KDM5A: variants seen among roughly 807,000 people sequenced by gnomAD.
KDM5A encodes lysine-specific demethylase 5A.
In KDM5A, 42 loss-of-function variants were observed where a neutral mutation model predicts 193.5. The ratio of observed to expected loss-of-function variants is 0.22; its 90% CI spans 0.17 to 0.28. The LOEUF (loss-of-function observed/expected upper bound fraction) is 0.28. KDM5A is among the 10% of genes least tolerant of loss of function. The probability of loss-of-function intolerance (pLI) is 1.00; values close to 1 mark genes in which losing one functional copy is unlikely to be tolerated. For synonymous variants in KDM5A, 796 were observed against 718.1 expected (o/e 1.11, Z -1.73); for missense variants, 1,692 against 2,055.1 (o/e 0.82, Z 3.42).
chr12:309,136 A>G (rs927231236), intron 22 of KDM5A, among the ~76,000 whole-genome samples: 1 of 152,248 alleles, frequency 6.6e-6, no homozygotes, highest in African/African-American at 2.4e-5. Flanking sequence ...AGTAACAGGC[A>G]AAATGCTCAA....
chr12:333,311 C>T (rs1943886054), intron 12 of KDM5A, 176 bp downstream of exon 12: 2 of 679,834 alleles, frequency 2.9e-6, no homozygotes, highest in African/African-American at 1.8e-5. Flanking sequence ...CCCAGCTACT[C>T]ATTAGGCTGA....
At chr12:303,618 C>T (rs1368956859) in intron 24 of KDM5A, among the ~76,000 whole-genome samples, 2 of 151,686 alleles carry the variant, frequency 1.3e-5, no homozygotes, top group South Asian at 2.1e-4. Context: ...CAAACCTGTA[C>T]GTTCTGCACA....
At chr12:299,905 T>C (rs930135700) in intron 24 of KDM5A, among the ~76,000 whole-genome samples, 6 of 142,060 alleles carry the variant, frequency 4.2e-5, no homozygotes, top group South Asian at 2.3e-4. Flanking sequence ...CAGTCTCTGA[T>C]AAAACAGATT....
chr12:356,622 CT>C (rs1361233558), intron 5 of KDM5A, 85 bp from the exon 6 acceptor site: 6 of 829,576 alleles, frequency 7.2e-6, no homozygotes, highest in Non-Finnish European at 1.2e-5. Context: ...TCAGAATCCT[CT>C]TCAACACGGA....
At position 385,944 on chromosome 12, in the gene KDM5A, T is replaced by C. The variant is rs576379039; in HGVS notation, c.196A>G (p.Lys66Glu). The C allele has an allele frequency of 1.9e-6, 3 of 1,613,946 alleles. No homozygotes were observed. The East Asian group carries it at 6.7e-5, about 36-fold the overall frequency. The stretch of plus-strand genomic sequence containing the variant: ...ACTCTTGGAGTGAAACGAAAGCTTT[T>C]TACTTCACAGGCAAATGGAGGCTGC... ...DWQPPFACEV[K>E]SFRFTPRVQR... is the part of the protein sequence containing the mutation. Residue 66 changes from lysine to glutamate, a missense_variant, in exon 2 of 28, where the codon AAA becomes GAA. By Grantham distance (56) the Lys-to-Glu change is moderately conservative (BLOSUM62 1). This residue lies in a region of KDM5A where 120 missense variants were observed against 172.0 expected (regional missense o/e 0.70). Coordinates refer to ENST00000399788, the MANE Select transcript of KDM5A (RefSeq NM_001042603.3).
At chr12:310,418 C>T (rs11062353) in intron 21 of KDM5A, among the ~76,000 whole-genome samples, 10,734 of 152,150 alleles carry the variant, frequency 0.071, 848 homozygotes, top group East Asian at 0.35. Flanking sequence ...ATCACTTGAG[C>T]TCAAAGGAGT....
intron 3 of KDM5A, among the ~76,000 whole-genome samples, chr12:374,124 C>T (rs1944469277): frequency 6.6e-6 from 1 of 152,118 alleles, no homozygotes; most frequent in Non-Finnish European, 1.5e-5. Context: ...GATTTCAATT[C>T]CTGGATATCC....
Position 307,179 on chromosome 12 carries a change from A to T in KDM5A, c.3931-90T>A. On this transcript the variant is annotated intron_variant, in intron 23 of 27. Transcript: ENST00000399788. This position sits in a 1 kb window ranked among gnomAD's most constrained non-coding sequence, Gnocchi z 4.3. ...TGCTTAAGATCACCAAAATGTAATG[A>T]ATAAGCAAAGTGGCTAACAGAGTTC... is the stretch of plus-strand genomic sequence containing the variant. 3 of 1,479,530 alleles carry T rather than the reference A, an allele frequency of 2.0e-6. No homozygotes were observed. The highest frequency in any genetic ancestry group is 2.8e-6 in the Non-Finnish European group (3 of 1,064,146). The allele number at this position is 1,479,530 out of a possible 1,614,324, so 91.7% of individuals were successfully genotyped here.
At chr12:378,627 GCTAGA>G (rs1414637832) in intron 3 of KDM5A, among the ~76,000 whole-genome samples, 1 of 152,152 alleles carries the variant, frequency 6.6e-6, no homozygotes, top group Admixed American at 6.5e-5. Flanking sequence ...AACAAGAAGG[GCTAGA>G]CTGAATGCTT....
At chr12:372,042 A>C (rs1379644835) in intron 3 of KDM5A, among the ~76,000 whole-genome samples, 1 of 152,196 alleles carries the variant, frequency 6.6e-6, no homozygotes, top group Non-Finnish European at 1.5e-5. Flanking sequence ...TGATGCCTCC[A>C]GCTTTGTTCT....
chr12:293,278 C>T (rs1293040176), intron 26 of KDM5A, 109 bp from the exon 27 acceptor site: 6 of 928,826 alleles, frequency 6.5e-6, no homozygotes, highest in Admixed American at 5.4e-5. Flanking sequence ...GACAGAAAGT[C>T]GAACAGAGGT....
chr12:364,893 G>A (rs1210352672), intron 4 of KDM5A, among the ~76,000 whole-genome samples: 1 of 151,036 alleles, frequency 6.6e-6, no homozygotes, highest in African/African-American at 2.4e-5. Context: ...TCCACTCAAA[G>A]ACTTGTCTAT....
At chr12:382,398 G>A (rs1236385981) in intron 3 of KDM5A, among the ~76,000 whole-genome samples, 1 of 151,842 alleles carries the variant, frequency 6.6e-6, no homozygotes, top group East Asian at 1.9e-4. Context: ...GGGAGGTGGA[G>A]GCTGCAGTGA....
At chr12:321,763 A>G (rs909762633) in intron 17 of KDM5A, among the ~76,000 whole-genome samples, 1 of 152,222 alleles carries the variant, frequency 6.6e-6, no homozygotes, top group Non-Finnish European at 1.5e-5. Context: ...GGTCCTCTGC[A>G]TCCATCAAGG....
chr12:321,196 C>T (rs943672715), intron 17 of KDM5A, 87 bp from the exon 18 acceptor site: 2 of 883,460 alleles, frequency 2.3e-6, no homozygotes, highest in Non-Finnish European at 3.8e-6. Flanking sequence ...AGAATTCAAA[C>T]CTAAGCAATC....
chr12:337,898 C>A (rs1943953758), intron 10 of KDM5A, among the ~76,000 whole-genome samples: 1 of 152,154 alleles, frequency 6.6e-6, no homozygotes. Flanking sequence ...CCGCCCTGAC[C>A]TCCCAAAGTG....
chr12:342,436 T>C (rs987707809), intron 10 of KDM5A, among the ~76,000 whole-genome samples: 1 of 152,088 alleles, frequency 6.6e-6, no homozygotes, highest in Non-Finnish European at 1.5e-5. Context: ...AGGAAACTTA[T>C]TTCTGGACCT....
chr12:314,362 AT>A (rs986716312), intron 19 of KDM5A, among the ~76,000 whole-genome samples: 7 of 151,670 alleles, frequency 4.6e-5, no homozygotes, highest in Admixed American at 3.3e-4. Context: ...CGCCCGGCTA[AT>A]TTTTTGTATT....
At chr12:382,559 A>ATG in intron 3 of KDM5A, among the ~76,000 whole-genome samples, 1 of 152,224 alleles carries the variant, frequency 6.6e-6, no homozygotes, top group East Asian at 1.9e-4. Flanking sequence ...AAGATATGAA[A>ATG]GGCCACAAGA....
Sources: gnomAD v4.1 joint callset for allele counts (sites outside exome capture counted in the v4.1 genomes callset) on GRCh38, gnomAD v4.1.1 for gene constraint, gnomAD v4.1.1 regional missense constraint, Gnocchi (gnomAD v3.1) non-coding constraint, MANE v1.5 for transcripts, NCBI Gene and HGNC (gene_info 2026-07-23, HGNC 2026-07-21) for gene names.